The following DTD1 variants were observed in gnomAD, a reference collection of about 807,000 sequenced individuals.
The protein encoded by DTD1 is D-tyrosyl-tRNA deacylase 1 homolog.
A neutral mutation model predicts 25.6 loss-of-function variants in DTD1; 13 were observed. That is an observed-to-expected ratio of 0.51 (90% CI 0.33 to 0.81). The LOEUF is 0.81. DTD1 is among the 30% of genes least tolerant of loss of function. DTD1 has a pLI of 0.02. For synonymous variants in DTD1, 110 were observed against 103.6 expected, an observed-to-expected ratio of 1.06 and a Z score of -0.37; for missense variants, 193 against 266.4, an observed-to-expected ratio of 0.72 and a Z score of 1.92.
intron 4 of DTD1, among the ~76,000 whole-genome samples, chr20:18,661,632 A>G (rs556218110): frequency 6.6e-6 from 1 of 152,226 alleles, no homozygotes; most frequent in East Asian, 1.9e-4. Context: ...TGGCCTCCCA[A>G]AGTGCTGGGA....
intron 4 of DTD1, among the ~76,000 whole-genome samples, chr20:18,719,942 C>CA (rs1568681007): frequency 6.6e-6 from 1 of 152,218 alleles, no homozygotes; most frequent in Non-Finnish European, 1.5e-5. Context: ...TACATTTACT[C>CA]AGTTAAAAGC....
At chr20:18,690,136 T>TAAA (rs74180929) in intron 4 of DTD1, among the ~76,000 whole-genome samples, 2 of 129,870 alleles carry the variant, frequency 1.5e-5, no homozygotes, top group South Asian at 2.5e-4. Flanking sequence ...ACCCTGTCTC[T>TAAA]AAAAAAAAAA....
chr20:18,623,553 T>C (rs1411666081), intron 3 of DTD1, among the ~76,000 whole-genome samples: 2 of 152,208 alleles, frequency 1.3e-5, no homozygotes, highest in African/African-American at 4.8e-5. Context: ...GAGTTTGGCA[T>C]GGCTCCTCCT....
intron 4 of DTD1, among the ~76,000 whole-genome samples, chr20:18,709,516 A>G (rs945023714): frequency 1.2e-4 from 18 of 152,172 alleles, no homozygotes; most frequent in African/African-American, 3.9e-4. Context: ...GGTCATGGCT[A>G]TGTCTGAGAC....
intron 1 of DTD1, 22 bp downstream of exon 1, chr20:18,588,137 C>G: frequency 7.9e-7 from 1 of 1,259,596 alleles, no homozygotes; most frequent in Non-Finnish European, 1.0e-6. Context: ...GGGGCCGGGC[C>G]CGGGAGGAGC....
chr20:18,617,813 G>A (rs1467784597), intron 3 of DTD1, among the ~76,000 whole-genome samples: 1 of 151,186 alleles, frequency 6.6e-6, no homozygotes, highest in Admixed American at 6.6e-5. Flanking sequence ...TTATATCTTG[G>A]CTTTAAAAAA....
At position 18,629,026 on chromosome 20, in the gene DTD1, C is replaced by T. The variant is rs368963441; in HGVS notation, c.477+793C>T. ...TTTTTTTTTTTTTGAGATGGAGTCT[C>T]GCTCTTGTTGCCCAGGCTGGAGCAC... On this transcript the variant is annotated intron_variant, in intron 4 of 5. Coordinates refer to ENST00000377452, the MANE Select transcript of DTD1 (RefSeq NM_080820.6). Among the ~76,000 whole-genome samples the T allele has an allele frequency of 1.3e-3, 184 of 138,168 alleles. 1 individual carries two copies. The highest frequency in any genetic ancestry group is 4.0e-3 in the African/African-American group (148 of 36,748). 90.6% of individuals were successfully genotyped at this position (138,168 alleles called of 152,430 possible).
At chr20:18,759,367 G>T (rs1188365833) in intron 5 of DTD1, among the ~76,000 whole-genome samples, 1 of 152,194 alleles carries the variant, frequency 6.6e-6, no homozygotes, top group Non-Finnish European at 1.5e-5. Context: ...TTTTGCAGTG[G>T]CTGGTACCTT....
intron 5 of DTD1, among the ~76,000 whole-genome samples, chr20:18,757,298 T>C (rs1034023251): frequency 6.6e-5 from 10 of 152,198 alleles, no homozygotes; most frequent in South Asian, 2.1e-4. Flanking sequence ...GCCAGAACTT[T>C]CAACACTATG....
chr20:18,744,327 A>G (rs1045626406), intron 5 of DTD1, 56 bp downstream of exon 5: 1 of 1,538,042 alleles, frequency 6.5e-7, no homozygotes, highest in Non-Finnish European at 8.9e-7. Flanking sequence ...GCAGCAATGA[A>G]TAGGAGGGAA....
chr20:18,708,262 A>T (rs186025740), intron 4 of DTD1, among the ~76,000 whole-genome samples: 9,562 of 34,964 alleles, frequency 0.27, 1,355 homozygotes, highest in South Asian at 0.37. Flanking sequence ...TTATATATAT[A>T]TTTTATATAT....
intron 4 of DTD1, among the ~76,000 whole-genome samples, chr20:18,711,074 A>G (rs1198646157): frequency 3.9e-5 from 6 of 152,178 alleles, no homozygotes; most frequent in African/African-American, 1.4e-4. Context: ...AGTAGGACTA[A>G]TTCTTCCCAC....
intron 1 of DTD1, among the ~76,000 whole-genome samples, chr20:18,590,322 G>T (rs1159732228): frequency 2.6e-5 from 4 of 152,054 alleles, no homozygotes; most frequent in African/African-American, 7.2e-5. Context: ...GACTACAGGC[G>T]TGTGCCGCCA....
At position 18,721,946 on chromosome 20, in the gene DTD1, C is replaced by G. The variant is rs182994309; in HGVS notation, c.478-22154C>G. ...TGTGGGAGATGAGAGACATCAGTCT[C>G]TTCAGGCCGCTCCCCAGAATTAAGT... On this transcript the variant is annotated intron_variant, in intron 4 of 5. Coordinates refer to ENST00000377452, the MANE Select transcript of DTD1 (RefSeq NM_080820.6). Among the ~76,000 whole-genome samples the G allele has an allele frequency of 5.9e-5, 9 of 152,262 alleles. No individual in the cohort carries two copies. The East Asian group carries it at 1.2e-3, about 20-fold the overall frequency.
chr20:18,612,195 C>T (rs1036148275), intron 3 of DTD1, among the ~76,000 whole-genome samples: 11 of 151,666 alleles, frequency 7.3e-5, no homozygotes, highest in Admixed American at 3.9e-4. Context: ...CCACTACGCC[C>T]GGCTAATTTT....
intron 4 of DTD1, among the ~76,000 whole-genome samples, chr20:18,706,825 C>T (rs138565761): frequency 8.5e-5 from 13 of 152,346 alleles, no homozygotes; most frequent in African/African-American, 3.1e-4. Context: ...GTATTTAAGA[C>T]TCTGAAAGGA....
intron 4 of DTD1, among the ~76,000 whole-genome samples, chr20:18,727,667 A>G (rs1415535072): frequency 6.7e-6 from 1 of 150,334 alleles, no homozygotes; most frequent in African/African-American, 2.5e-5. Context: ...TTTAGCTGTC[A>G]CTCTCCCCTT....
intron 4 of DTD1, among the ~76,000 whole-genome samples, chr20:18,697,358 CCTT>C (rs1442396023): frequency 6.6e-6 from 1 of 152,102 alleles, no homozygotes. Context: ...ATTCACATGT[CCTT>C]CTTATTGATG....
chr20:18,712,681 A>G (rs1418032925), intron 4 of DTD1, among the ~76,000 whole-genome samples: 7 of 152,164 alleles, frequency 4.6e-5, no homozygotes. Context: ...AAAGGTCCCC[A>G]GTGGAAATAA....
Sources: allele counts gnomAD v4.1 joint callset (sites outside exome capture counted in the v4.1 genomes callset), GRCh38; gene constraint gnomAD v4.1.1; transcripts MANE v1.5; gene names NCBI Gene and HGNC (gene_info 2026-07-23, HGNC 2026-07-21).